The following KCND2 variants were observed in gnomAD, a reference collection of about 807,000 sequenced individuals.
KCND2 encodes potassium voltage-gated channel subfamily D member 2.
In KCND2, 16 loss-of-function variants were observed where a neutral mutation model predicts 54.4. That is an observed-to-expected ratio of 0.29 (90% CI 0.20 to 0.45). The LOEUF is 0.45. Among genes scored for constraint, KCND2 ranks in the 20% least tolerant of loss-of-function variants. The probability of loss-of-function intolerance (pLI) is 1.00; values close to 1 mark genes in which losing one functional copy is unlikely to be tolerated. For synonymous variants in KCND2, 317 were observed against 310.7 expected (o/e 1.02, Z -0.21); for missense variants, 486 against 824.2 (o/e 0.59, Z 5.02).
At chr7:120,280,948 T>G (rs973723269) in intron 1 of KCND2, among the ~76,000 whole-genome samples, 1 of 152,110 alleles carries the variant, frequency 6.6e-6, no homozygotes, top group African/African-American at 2.4e-5. Flanking sequence ...ATATCACTGC[T>G]GGCTCTGCAT....
At chr7:120,456,739 G>A (rs1802206396) in intron 1 of KCND2, among the ~76,000 whole-genome samples, 1 of 152,180 alleles carries the variant, frequency 6.6e-6, no homozygotes, top group Non-Finnish European at 1.5e-5. Context: ...GGTACAAGAT[G>A]TCACTGGATC....
chr7:120,286,463 A>C (rs955958208), intron 1 of KCND2, among the ~76,000 whole-genome samples: 1 of 151,954 alleles, frequency 6.6e-6, no homozygotes, highest in Non-Finnish European at 1.5e-5. Flanking sequence ...TTCACTTTGC[A>C]AAATAACATT....
chr7:120,629,770 G>C (rs1031997024), intron 1 of KCND2, among the ~76,000 whole-genome samples: 49 of 152,260 alleles, frequency 3.2e-4, no homozygotes, highest in Admixed American at 2.6e-3. Flanking sequence ...GAGGCTACTG[G>C]ATGGGCTTTG....
chr7:120,511,028 A>T (rs866625877), intron 1 of KCND2, among the ~76,000 whole-genome samples: 3,572 of 149,882 alleles, frequency 0.024, 119 homozygotes, highest in African/African-American at 0.083. Flanking sequence ...TCTCTCTCAC[A>T]CACACACACA....
At position 120,305,232 on chromosome 7, in the gene KCND2, T is replaced by G. The variant is rs534954839; in HGVS notation, c.1115+29485T>G. On this transcript the variant is annotated intron_variant, in intron 1 of 5. Coordinates refer to ENST00000331113, the MANE Select transcript of KCND2 (RefSeq NM_012281.3). Reference sequence around the variant, plus strand: ...GTCTTTTTCAAGAGCATGAAAATTATGAGGCTGTAGGTTCAAACTGTTCTG... The same window carrying G: ...GTCTTTTTCAAGAGCATGAAAATTAGGAGGCTGTAGGTTCAAACTGTTCTG... 3.3e-5 allele frequency among the ~76,000 whole-genome samples: 5 copies of G among 152,286 alleles called. No homozygotes were observed. The South Asian group carries it at 1.0e-3, about 32-fold the overall frequency.
At chr7:120,287,757 T>C (rs921920641) in intron 1 of KCND2, among the ~76,000 whole-genome samples, 1 of 152,026 alleles carries the variant, frequency 6.6e-6, no homozygotes, top group Non-Finnish European at 1.5e-5. Context: ...AGTAGGAGAA[T>C]CACTTGAACC....
chr7:120,611,390 T>C (rs186306596), intron 1 of KCND2, among the ~76,000 whole-genome samples: 1 of 152,318 alleles, frequency 6.6e-6, no homozygotes, highest in East Asian at 1.9e-4. Context: ...TGTACAGTCT[T>C]AATCTGATCC....
chr7:120,686,291 T>G (rs1792200645), intron 1 of KCND2, among the ~76,000 whole-genome samples: 1 of 152,222 alleles, frequency 6.6e-6, no homozygotes, highest in Non-Finnish European at 1.5e-5. Context: ...AGGATTGCTG[T>G]ATCATAGTGG....
At chr7:120,324,680 C>G (rs1799946689) in intron 1 of KCND2, among the ~76,000 whole-genome samples, 1 of 150,724 alleles carries the variant, frequency 6.6e-6, no homozygotes, top group African/African-American at 2.4e-5. Context: ...GGTACCAGTA[C>G]CATGCTGTTT....
At chr7:120,685,665 C>G (rs1792193359) in intron 1 of KCND2, among the ~76,000 whole-genome samples, 1 of 152,150 alleles carries the variant, frequency 6.6e-6, no homozygotes, top group Non-Finnish European at 1.5e-5. Context: ...AGTTAAATTT[C>G]TACTCCACAG....
At chr7:120,342,393 A>G (rs767509299) in intron 1 of KCND2, among the ~76,000 whole-genome samples, 23 of 152,326 alleles carry the variant, frequency 1.5e-4, no homozygotes, top group Middle Eastern at 3.4e-3. Context: ...ATGCATTTAC[A>G]GGGTACTGTA....
intron 1 of KCND2, among the ~76,000 whole-genome samples, chr7:120,578,797 A>T (rs980288657): frequency 6.6e-6 from 1 of 151,990 alleles, no homozygotes; most frequent in Non-Finnish European, 1.5e-5. Flanking sequence ...TCCAAGAGGC[A>T]GAGGTTGCAG....
intron 1 of KCND2, among the ~76,000 whole-genome samples, chr7:120,716,867 A>T (rs1195848310): frequency 6.6e-6 from 1 of 152,108 alleles, no homozygotes; most frequent in Non-Finnish European, 1.5e-5. Context: ...TCTGAGGGAG[A>T]TATGCTCCAA....
intron 1 of KCND2, among the ~76,000 whole-genome samples, chr7:120,362,753 A>G (rs1800609625): frequency 6.6e-6 from 1 of 152,108 alleles, no homozygotes; most frequent in Non-Finnish European, 1.5e-5. Context: ...ATTCTGTGAC[A>G]TAGGCTATAC....
At chr7:120,498,150 G>GGGCCTATT (rs1802876718) in intron 1 of KCND2, among the ~76,000 whole-genome samples, 1 of 152,098 alleles carries the variant, frequency 6.6e-6, no homozygotes, top group Non-Finnish European at 1.5e-5. Context: ...GCAGATCCCA[G>GGGCCTATT]GGCCTATTGG....
chr7:120,275,474 A>G lies in KCND2; in HGVS notation c.842A>G (p.Asp281Gly). ...LPYYIGLVMT[D>G]NEDVSGAFVT... Reference sequence around the variant, plus strand: ...TATTACATTGGGCTGGTGATGACAGACAATGAGGACGTCAGCGGAGCCTTT... The same window carrying G: ...TATTACATTGGGCTGGTGATGACAGGCAATGAGGACGTCAGCGGAGCCTTT... The change falls in exon 1 of 6, where the codon GAC (aspartate) becomes GGC (glycine). Residue 281 changes from aspartate (D) to glycine (G), a missense_variant. Asp to Gly is a moderately conservative substitution (Grantham distance 94, BLOSUM62 -1). This residue lies in a region of KCND2 where 231 missense variants were observed against 386.0 expected (regional missense o/e 0.60). Coordinates refer to ENST00000331113, the MANE Select transcript of KCND2 (RefSeq NM_012281.3). 6.2e-7 allele frequency: 1 copy of G among 1,613,318 alleles called. No individual in the cohort carries two copies. Among genetic ancestry groups the G allele is most frequent in the Non-Finnish European group, 8.5e-7 (1 of 1,179,620 alleles).
At chr7:120,572,177 CT>C (rs201166496) in intron 1 of KCND2, among the ~76,000 whole-genome samples, 2,514 of 138,824 alleles carry the variant, frequency 0.018, 22 homozygotes, top group African/African-American at 0.032. Context: ...ACTATGAATG[CT>C]TTTTTTTTTT....
chr7:120,511,397 G>T (rs1003046470), intron 1 of KCND2, among the ~76,000 whole-genome samples: 2 of 152,066 alleles, frequency 1.3e-5, no homozygotes, highest in African/African-American at 4.8e-5. Flanking sequence ...TGAGGACAGA[G>T]ACTGGTTTTG....
At chr7:120,459,359 G>A (rs10953916) in intron 1 of KCND2, among the ~76,000 whole-genome samples, 38,379 of 152,012 alleles carry the variant, frequency 0.25, 6,606 homozygotes, top group East Asian at 0.56. Flanking sequence ...TTCCCTCACT[G>A]CCTTTAGTCT....
Sources: allele counts gnomAD v4.1 joint callset (sites outside exome capture counted in the v4.1 genomes callset), GRCh38; gene constraint gnomAD v4.1.1; regional missense constraint gnomAD v4.1.1; transcripts MANE v1.5; gene names NCBI Gene and HGNC (gene_info 2026-07-23, HGNC 2026-07-21).